UGT1A3: variants seen among roughly 807,000 people sequenced by gnomAD.
UGT1A3 encodes the protein UDP glucuronosyltransferase family 1 member A3.
In UGT1A3, 31 loss-of-function variants were observed where a neutral mutation model predicts 41.0. The ratio of observed to expected loss-of-function variants is 0.76; its 90% CI spans 0.57 to 1.02. The LOEUF is 1.02. Among genes scored for constraint, UGT1A3 ranks in the 50% least tolerant of loss-of-function variants. The pLI, the probability that UGT1A3 is intolerant of heterozygous loss-of-function variation, is 0.00. For missense variants in UGT1A3, 737 were observed against 671.0 expected (o/e 1.10, Z -1.09); for synonymous variants, 262 against 257.6 (o/e 1.02, Z -0.17).
chr2:233,766,278 C>T (rs4663334), intron 1 of UGT1A3, among the ~76,000 whole-genome samples: 20,562 of 116,134 alleles, frequency 0.18, 1,583 homozygotes, highest in African/African-American at 0.25. Flanking sequence ...CTCGGTGGCC[C>T]GGGCTCGGTG....
intron 4 of UGT1A3, chr2:233,770,249 C>T (rs1368624656): frequency 1.3e-5 from 2 of 152,160 alleles, no homozygotes; most frequent in Non-Finnish European, 2.9e-5. Flanking sequence ...TTCCAACACT[C>T]TGAGCTGGGG....
intron 1 of UGT1A3, chr2:233,760,227 T>G: frequency 6.3e-7 from 1 of 1,581,154 alleles, no homozygotes; most frequent in Non-Finnish European, 8.5e-7. Flanking sequence ...ATCGATTGGT[T>G]TTTGCCATAT....
At chr2:233,756,340 T>C (rs1696187802) in intron 1 of UGT1A3, 1 of 152,248 alleles carries the variant, frequency 6.6e-6, no homozygotes, top group Non-Finnish European at 1.5e-5. Flanking sequence ...AGTCATCTCT[T>C]GATTACTTTT....
chr2:233,747,207 T>A, intron 1 of UGT1A3: 1 of 1,605,232 alleles, frequency 6.2e-7, no homozygotes, highest in Non-Finnish European at 8.5e-7. Context: ...CCGTGTCTTC[T>A]GCTGAGATGG....
chr2:233,757,975 AG>A (rs1275184498), intron 1 of UGT1A3, among the ~76,000 whole-genome samples: 1 of 152,126 alleles, frequency 6.6e-6, no homozygotes, highest in Non-Finnish European at 1.5e-5. Flanking sequence ...CTCAGCCCCT[AG>A]AGCACCATCC....
rs758737792 is a variant in UGT1A3, at chr2:233,729,454, T to A, written c.328T>A (p.Phe110Ile). 14 of 1,613,924 alleles carry A rather than the reference T, an allele frequency of 8.7e-6. No homozygotes were observed. Among genetic ancestry groups the A allele is most frequent in the Non-Finnish European group, 1.2e-5 (14 of 1,179,970 alleles). ...TGAAACAGAACATTTTCTGAAGAAATTTTTCAGAAGTATGGCAATGTTGAA... is the reference window on the plus strand; with the variant it reads ...TGAAACAGAACATTTTCTGAAGAAAATTTTCAGAAGTATGGCAATGTTGAA... ...YFETEHFLKK[F>I]FRSMAMLNNM... The change falls in exon 1 of 5, where the codon TTT becomes ATT. Residue 110 changes from phenylalanine to isoleucine, a missense_variant. By Grantham distance (21) the Phe-to-Ile change is conservative (BLOSUM62 0). Transcript: ENST00000482026.
intron 1 of UGT1A3, chr2:233,760,208 A>C: frequency 6.3e-7 from 1 of 1,589,248 alleles, no homozygotes; most frequent in African/African-American, 1.4e-5. Context: ...TCAAACATTA[A>C]CTTGGTGTAT....
Position 233,772,318 on chromosome 2 carries a change from C to G in UGT1A3, c.1364C>G (p.Pro455Arg). The change falls in exon 5 of 5, where the codon CCG (proline) becomes CGG (arginine). Residue 455 changes from proline to arginine, a missense_variant. Physicochemically the swap from Pro to Arg is moderately radical, Grantham distance 103. Coordinates refer to ENST00000482026, the MANE Select transcript of UGT1A3 (RefSeq NM_019093.4). ...CTTCACAAGGACCGCCCGGTGGAGC[C>G]GCTGGACCTGGCCGTGTTCTGGGTG... The part of the protein sequence containing the change: ...SSLHKDRPVE[P>R]LDLAVFWVEF... 1 of 1,614,230 alleles carries G rather than the reference C, an allele frequency of 6.2e-7. No individual in the cohort carries two copies.
intron 1 of UGT1A3, chr2:233,748,143 A>G (rs1693880187): frequency 6.2e-7 from 1 of 1,607,740 alleles, no homozygotes; most frequent in Non-Finnish European, 8.5e-7. Flanking sequence ...AATTGTATTT[A>G]CTTACAATTG....
At chr2:233,758,397 C>T (rs1696863474) in intron 1 of UGT1A3, among the ~76,000 whole-genome samples, 1 of 152,138 alleles carries the variant, frequency 6.6e-6, no homozygotes, top group Admixed American at 6.5e-5. Flanking sequence ...TGTTTATAGC[C>T]CCTTTACTGT....
At chr2:233,760,317 A>G (rs772038779) in intron 1 of UGT1A3, 2 of 1,613,898 alleles carry the variant, frequency 1.2e-6, no homozygotes, top group African/African-American at 2.7e-5. Context: ...GCGGACGCCC[A>G]CTTGTCCTGG....
At chr2:233,757,045 G>A (rs1250213092) in intron 1 of UGT1A3, among the ~76,000 whole-genome samples, 2 of 151,734 alleles carry the variant, frequency 1.3e-5, no homozygotes, top group Non-Finnish European at 2.9e-5. Flanking sequence ...ATCAAAGGAA[G>A]TTTGGGGAAC....
chr2:233,767,714 TCA>T (rs1424650372), intron 2 of UGT1A3, 133 bp from the exon 3 acceptor site: 27 of 1,536,346 alleles, frequency 1.8e-5, no homozygotes, highest in Non-Finnish European at 2.3e-5. Flanking sequence ...TCAGAAGCCT[TCA>T]CAGTTACTGA....
chr2:233,744,616 T>C (rs1359252555), intron 1 of UGT1A3, among the ~76,000 whole-genome samples: 1 of 151,926 alleles, frequency 6.6e-6, no homozygotes, highest in Non-Finnish European at 1.5e-5. Context: ...CTTGGCTCTA[T>C]AGAGAGGTGG....
At chr2:233,766,435 T>C (rs913964749) in intron 1 of UGT1A3, among the ~76,000 whole-genome samples, 5 of 152,184 alleles carry the variant, frequency 3.3e-5, no homozygotes, top group African/African-American at 1.2e-4. Flanking sequence ...TCCAGCTACC[T>C]GTGTGTCTGC....
intron 1 of UGT1A3, among the ~76,000 whole-genome samples, chr2:233,748,325 G>C (rs574436973): frequency 6.6e-6 from 1 of 151,854 alleles, no homozygotes; most frequent in East Asian, 1.9e-4. Context: ...GGACTGATGT[G>C]ACTCATGGAG....
chr2:233,760,971 C>T (rs773436128), intron 1 of UGT1A3: 1 of 1,614,154 alleles, frequency 6.2e-7, no homozygotes, highest in South Asian at 1.1e-5. Context: ...TGGTTTATTC[C>T]CCGTATGCAA....
At chr2:233,748,027 A>C in intron 1 of UGT1A3, 1 of 1,613,516 alleles carries the variant, frequency 6.2e-7, no homozygotes, top group Non-Finnish European at 8.5e-7. Flanking sequence ...ATCATGCCCA[A>C]CATGGTCTTC....
intron 1 of UGT1A3, chr2:233,743,982 C>G (rs6735370): frequency 4.6e-6 from 6 of 1,297,000 alleles, no homozygotes; most frequent in East Asian, 9.6e-5. Flanking sequence ...AGCACCCAGG[C>G]GCAGGCCCGA....
Sources: allele counts gnomAD v4.1 joint callset (sites outside exome capture counted in the v4.1 genomes callset), GRCh38; gene constraint gnomAD v4.1.1; transcripts MANE v1.5; gene names NCBI Gene and HGNC (gene_info 2026-07-23, HGNC 2026-07-21).